PRPF3: variants seen among roughly 807,000 people sequenced by gnomAD.
PRPF3 encodes U4/U6 small nuclear ribonucleoprotein Prp3.
Under a neutral mutation model 89.2 loss-of-function variants are expected in PRPF3, and 3 were observed. The observed-to-expected ratio is 0.03, with a 90% CI of 0.02 to 0.09. The LOEUF (loss-of-function observed/expected upper bound fraction) is 0.09, where lower values mean the gene tolerates loss of function less well. PRPF3 is among the 10% of genes least tolerant of loss of function. The pLI is 1.00. For missense variants in PRPF3, 463 were observed against 828.8 expected (o/e 0.56, Z 5.42); for synonymous variants, 270 against 289.1 (o/e 0.93, Z 0.67).
At position 150,333,011 on chromosome 1, in the gene PRPF3, A is replaced by C; in HGVS notation, c.540A>C (p.Arg180=). 2 of 1,613,892 alleles carry C rather than the reference A, an allele frequency of 1.2e-6. No individual in the cohort carries two copies. The part of the protein sequence containing the change: ...PKTPSSSQPE[R]LPIGNTIQPS... Reference sequence around the variant, plus strand: ...CTCCTTCTTCCTCCCAACCAGAACGACTTCCTATTGGCAACACTATTCAGC... The same window carrying C: ...CTCCTTCTTCCTCCCAACCAGAACGCCTTCCTATTGGCAACACTATTCAGC... Residue 180 remains arginine, a synonymous_variant, in exon 6 of 16, where the codon CGA becomes CGC. Transcript: ENST00000324862.
chr1:150,328,754 T>C (rs1264143115), intron 4 of PRPF3, among the ~76,000 whole-genome samples: 1 of 151,760 alleles, frequency 6.6e-6, no homozygotes, highest in Non-Finnish European at 1.5e-5. Context: ...GGTTTCACCA[T>C]GTTGGCCAGG....
intron 14 of PRPF3, 36 bp downstream of exon 14, chr1:150,346,527 T>C (rs1056549731): frequency 6.4e-7 from 1 of 1,562,964 alleles, no homozygotes; most frequent in Non-Finnish European, 8.8e-7. Flanking sequence ...GGGGGAGAGC[T>C]ATGGGAGGTG....
At chr1:150,350,960 T>TA (rs781790248) in intron 15 of PRPF3, among the ~76,000 whole-genome samples, 57 of 126,338 alleles carry the variant, frequency 4.5e-4, no homozygotes, top group African/African-American at 6.3e-4. Context: ...AACCCTGTCT[T>TA]AAAAAAAAAA....
intron 9 of PRPF3, 122 bp downstream of exon 9, chr1:150,340,599 CTT>C: frequency 1.3e-6 from 1 of 784,020 alleles, no homozygotes; most frequent in Non-Finnish European, 2.2e-6. Context: ...ATGTGTAATT[CTT>C]TTTTTTAATT....
intron 9 of PRPF3, 78 bp downstream of exon 9, chr1:150,340,555 G>C: frequency 8.8e-7 from 1 of 1,130,012 alleles, no homozygotes; most frequent in Non-Finnish European, 1.3e-6. Flanking sequence ...AACATGTTCT[G>C]TATCTATGCT....
chr1:150,340,408 A>T lies in PRPF3; in HGVS notation c.1213A>T (p.Asn405Tyr). 1 of 1,599,078 alleles carries T rather than the reference A, an allele frequency of 6.3e-7. No homozygotes were observed. Among genetic ancestry groups the T allele is most frequent in the Non-Finnish European group, 8.6e-7 (1 of 1,166,396 alleles). The change falls in exon 9 of 16, where the codon AAT becomes TAT. Residue 405 changes from asparagine to tyrosine, a missense_variant. Coordinates refer to ENST00000324862, the MANE Select transcript of PRPF3 (RefSeq NM_004698.4). ...TTCCTACAATTTTAGTACAGAGGAA[A>T]ATCCCAAGAGAGAAGATTATTTTGG... ...IPNGFDLTEE[N>Y]PKREDYFGIT... is the part of the protein sequence containing the mutation.
chr1:150,323,959 T>G (rs1655406992), intron 1 of PRPF3, among the ~76,000 whole-genome samples: 1 of 151,568 alleles, frequency 6.6e-6, no homozygotes. Context: ...TTTGTAGTTT[T>G]TAGTAGAGAT....
chr1:150,339,751 T>TTG (rs1411327265), intron 8 of PRPF3, among the ~76,000 whole-genome samples: 1 of 148,916 alleles, frequency 6.7e-6, no homozygotes, highest in Non-Finnish European at 1.5e-5. Flanking sequence ...TTTTTTTTTT[T>TTG]TTTTTTTTTT....
At chr1:150,344,049 A>G (rs1466740731) in intron 10 of PRPF3, 113 bp from the exon 11 acceptor site, 2 of 921,888 alleles carry the variant, frequency 2.2e-6, no homozygotes, top group Non-Finnish European at 3.5e-6. Flanking sequence ...AAGTGAGTTT[A>G]GAGCAGAGAT....
intron 7 of PRPF3, among the ~76,000 whole-genome samples, chr1:150,336,442 C>A (rs932600012): frequency 1.3e-5 from 2 of 151,948 alleles, no homozygotes; most frequent in Non-Finnish European, 2.9e-5. Context: ...GGTTGGGGAC[C>A]CCTGATTTAA....
chr1:150,347,497 G>A (rs1386189959), intron 14 of PRPF3, among the ~76,000 whole-genome samples: 4 of 152,090 alleles, frequency 2.6e-5, no homozygotes, highest in Non-Finnish European at 5.9e-5. Context: ...TTGGGAGGCC[G>A]AGGCGAGCAG....
Position 150,332,006 on chromosome 1 carries a change from C to T in PRPF3, c.424-678C>T, listed in dbSNP as rs1323696768. 3.3e-5 allele frequency among the ~76,000 whole-genome samples: 5 copies of T among 151,960 alleles called. No individual in the cohort carries two copies. In the South Asian group the frequency reaches 6.2e-4, roughly 19 times the overall value. Reference sequence around the variant, plus strand: ...TTGAGAGGCCGAGGTGGGCGGATCACGAGGTCAGGAGATCGAGACCATCCT... The same window carrying T: ...TTGAGAGGCCGAGGTGGGCGGATCATGAGGTCAGGAGATCGAGACCATCCT... On this transcript the variant is annotated intron_variant, in intron 4 of 15. Coordinates refer to ENST00000324862, the MANE Select transcript of PRPF3 (RefSeq NM_004698.4).
At chr1:150,345,507 C>T (rs183099721) in intron 12 of PRPF3, 2,389 of 171,212 alleles carry the variant, frequency 0.014, 47 homozygotes, top group African/African-American at 0.054. Flanking sequence ...CGCACCCCCA[C>T]GCCCGGCTAA....
chr1:150,340,444 C>A lies in PRPF3; in HGVS notation c.1249C>A (p.Leu417Ile), dbSNP rs141281367. 1.2e-6 allele frequency: 2 copies of A among 1,607,760 alleles called. No homozygotes were observed. Among genetic ancestry groups the A allele is most frequent in the Non-Finnish European group, 1.7e-6 (2 of 1,174,224 alleles). ...KREDYFGITNLVEHPAQLNPP... is the reference protein window; with the variant it reads ...KREDYFGITNIVEHPAQLNPP... ...AGAAGATTATTTTGGAATCACAAAT[C>A]TTGTTGAACATCCAGCCCAGCTCAA... The change falls in exon 9 of 16, where the codon CTT becomes ATT. Residue 417 changes from leucine to isoleucine, a missense_variant. Physicochemically the swap from Leu to Ile is conservative, Grantham distance 5. Transcript: ENST00000324862.
At chr1:150,328,278 C>G (rs782013127) in intron 3 of PRPF3, 42 bp from the exon 4 acceptor site, 3 of 1,606,924 alleles carry the variant, frequency 1.9e-6, no homozygotes, top group Non-Finnish European at 2.6e-6. Context: ...CTTCTCCCCA[C>G]GGGGAGGGAT....
chr1:150,338,133 TTC>T, intron 7 of PRPF3, 25 bp from the exon 8 acceptor site: 1 of 1,612,760 alleles, frequency 6.2e-7, no homozygotes, highest in Middle Eastern at 1.7e-4. Context: ...CAATTTATCT[TTC>T]TGTCTTGGAT....
chr1:150,346,849 G>T (rs377225228), intron 14 of PRPF3, among the ~76,000 whole-genome samples: 3 of 152,168 alleles, frequency 2.0e-5, no homozygotes, highest in Admixed American at 1.3e-4. Context: ...CACTTTGGGA[G>T]GCTGAGGCGG....
intron 7 of PRPF3, among the ~76,000 whole-genome samples, chr1:150,337,709 T>G (rs1572237227): frequency 7.0e-6 from 1 of 142,246 alleles, no homozygotes; most frequent in African/African-American, 2.6e-5. Flanking sequence ...ACCCGGGAGG[T>G]GGAGCTTACA....
chr1:150,341,838 G>A (rs1200637459), intron 9 of PRPF3, among the ~76,000 whole-genome samples: 3 of 151,410 alleles, frequency 2.0e-5, no homozygotes, highest in African/African-American at 7.3e-5. Context: ...GGAGTAGCTT[G>A]GATTATAGGT....
Sources: gnomAD v4.1 joint callset for allele counts (sites outside exome capture counted in the v4.1 genomes callset) on GRCh38, gnomAD v4.1.1 for gene constraint, MANE v1.5 for transcripts, NCBI Gene and HGNC (gene_info 2026-07-23, HGNC 2026-07-21) for gene names.